The following HS6ST3 variants were observed in gnomAD, a reference collection of about 807,000 sequenced individuals.
The protein encoded by HS6ST3 is heparan-sulfate 6-O-sulfotransferase 3.
In HS6ST3, 12 loss-of-function variants were observed where a neutral mutation model predicts 36.7. That is an observed-to-expected ratio of 0.33 (90% CI 0.21 to 0.53). HS6ST3 has a LOEUF of 0.53. Ranked by LOEUF, HS6ST3 falls within the 20% of genes least tolerant of loss-of-function variation. The pLI is 0.95. For synonymous variants in HS6ST3, 240 were observed against 257.5 expected (o/e 0.93, Z 0.65); for missense variants, 584 against 640.9 (o/e 0.91, Z 0.96).
intron 1 of HS6ST3, among the ~76,000 whole-genome samples, chr13:96,482,278 G>T (rs1447556721): frequency 6.6e-6 from 1 of 152,080 alleles, no homozygotes; most frequent in Non-Finnish European, 1.5e-5. Context: ...CATTATTTAG[G>T]TCTGTCAATC....
At chr13:96,433,549 C>A (rs2055626721) in intron 1 of HS6ST3, among the ~76,000 whole-genome samples, 1 of 152,220 alleles carries the variant, frequency 6.6e-6, no homozygotes, top group Non-Finnish European at 1.5e-5. Flanking sequence ...TGCTCTTTTA[C>A]CTGTGACTGT....
chr13:96,695,960 G>A (rs654343), intron 1 of HS6ST3, among the ~76,000 whole-genome samples: 2,262 of 152,146 alleles, frequency 0.015, 55 homozygotes, highest in African/African-American at 0.051. Context: ...GTAATAACTT[G>A]TTAAAATTTA....
intron 1 of HS6ST3, among the ~76,000 whole-genome samples, chr13:96,387,701 C>A (rs185220383): frequency 6.6e-6 from 1 of 152,138 alleles, no homozygotes. Context: ...CCAATTACCC[C>A]AAGGCTGCAA....
At chr13:96,820,388 T>A (rs770534161) in intron 1 of HS6ST3, among the ~76,000 whole-genome samples, 2 of 152,130 alleles carry the variant, frequency 1.3e-5, no homozygotes, top group Non-Finnish European at 2.9e-5. Context: ...AACGCTGAAG[T>A]GCGGAGTGTG....
intron 1 of HS6ST3, among the ~76,000 whole-genome samples, chr13:96,829,398 G>A (rs141102549): frequency 1.2e-3 from 182 of 151,832 alleles, no homozygotes; most frequent in African/African-American, 4.1e-3. Context: ...TGTATCATGG[G>A]TGTTTGTTGT....
At chr13:96,817,930 GA>G (rs1878456576) in intron 1 of HS6ST3, among the ~76,000 whole-genome samples, 1 of 152,142 alleles carries the variant, frequency 6.6e-6, no homozygotes, top group Admixed American at 6.5e-5. Context: ...TTGCACAAAT[GA>G]AAAAGCCACC....
At position 96,454,874 on chromosome 13, in the gene HS6ST3, T is replaced by TA. The variant is rs5805970; in HGVS notation, c.707+363318dup. 2.8e-3 allele frequency among the ~76,000 whole-genome samples: 400 copies of TA among 144,286 alleles called. 14 individuals are homozygous for TA. The highest frequency in any genetic ancestry group is 5.6e-3 in the African/African-American group (218 of 38,702). 94.7% of individuals were successfully genotyped at this position (144,286 alleles called of 152,430 possible). On this transcript the variant is annotated intron_variant, in intron 1 of 1. Transcript: ENST00000376705. ...ACCAGGGAATGATATTATTGAACTCTAAAAAAAAAAAAACATACGCCTTTA... is the reference window on the plus strand; with the variant it reads ...ACCAGGGAATGATATTATTGAACTCTAAAAAAAAAAAAAACATACGCCTTTA...
In HS6ST3 at chr13:96,239,431, C is replaced by G. The variant is rs549921319; in HGVS notation, c.707+147862C>G. 3.3e-5 allele frequency among the ~76,000 whole-genome samples: 5 copies of G among 152,256 alleles called. No homozygotes were observed. The South Asian group carries it at 1.0e-3, about 32-fold the overall frequency. ...GCAGTTGCCTTATCACATTGCACTA[C>G]TTTATATGAAAGATGCTATCCATAA... On this transcript the variant is annotated intron_variant, in intron 1 of 1. Coordinates refer to ENST00000376705, the MANE Select transcript of HS6ST3 (RefSeq NM_153456.4).
At chr13:96,128,438 C>A (rs931120885) in intron 1 of HS6ST3, among the ~76,000 whole-genome samples, 1 of 152,144 alleles carries the variant, frequency 6.6e-6, no homozygotes, top group African/African-American at 2.4e-5. Context: ...AAGTGCATTC[C>A]AAGATAACTA....
intron 1 of HS6ST3, among the ~76,000 whole-genome samples, chr13:96,541,527 A>G (rs1173680938): frequency 6.6e-6 from 1 of 152,190 alleles, no homozygotes; most frequent in Non-Finnish European, 1.5e-5. Context: ...TTAACACATA[A>G]GGAGACCTGA....
intron 1 of HS6ST3, among the ~76,000 whole-genome samples, chr13:96,598,740 T>C (rs753086377): frequency 1.3e-5 from 2 of 152,186 alleles, no homozygotes; most frequent in Admixed American, 6.5e-5. Context: ...GTGGGCATCC[T>C]TGTCTTGCTC....
chr13:96,355,675 G>A (rs2055206832), intron 1 of HS6ST3, among the ~76,000 whole-genome samples: 1 of 152,136 alleles, frequency 6.6e-6, no homozygotes. Flanking sequence ...TTTTGCTGGT[G>A]GAGGGTCTTG....
At chr13:96,311,280 C>A (rs181579365) in intron 1 of HS6ST3, among the ~76,000 whole-genome samples, 10 of 152,244 alleles carry the variant, frequency 6.6e-5, no homozygotes, top group East Asian at 3.9e-4. Flanking sequence ...ATGTTGCTAT[C>A]CTACTTGTTC....
At chr13:96,644,863 T>A (rs2056583033) in intron 1 of HS6ST3, among the ~76,000 whole-genome samples, 1 of 152,004 alleles carries the variant, frequency 6.6e-6, no homozygotes, top group Admixed American at 6.6e-5. Context: ...CCTCTATGGA[T>A]CTTTCTGCAG....
At chr13:96,742,871 A>G (rs1332261932) in intron 1 of HS6ST3, among the ~76,000 whole-genome samples, 1 of 152,094 alleles carries the variant, frequency 6.6e-6, no homozygotes, top group African/African-American at 2.4e-5. Context: ...TGTGAATATC[A>G]TGATGCTACA....
At chr13:96,701,563 G>C (rs892645495) in intron 1 of HS6ST3, among the ~76,000 whole-genome samples, 3 of 152,102 alleles carry the variant, frequency 2.0e-5, no homozygotes, top group Non-Finnish European at 4.4e-5. Flanking sequence ...TTAATACTTA[G>C]AGCACTTTCC....
At chr13:96,506,699 A>G (rs530217503) in intron 1 of HS6ST3, among the ~76,000 whole-genome samples, 2 of 152,262 alleles carry the variant, frequency 1.3e-5, no homozygotes, top group South Asian at 4.1e-4. Context: ...TAAGGTACGT[A>G]CAAATATCAT....
chr13:96,439,910 C>T (rs1594780780), intron 1 of HS6ST3, among the ~76,000 whole-genome samples: 2 of 152,190 alleles, frequency 1.3e-5, no homozygotes, highest in East Asian at 3.9e-4. Context: ...GGTCAATTTT[C>T]TCTTTTGCTT....
intron 1 of HS6ST3, among the ~76,000 whole-genome samples, chr13:96,562,826 A>AC (rs981890568): frequency 1.9e-4 from 29 of 152,056 alleles, no homozygotes; most frequent in African/African-American, 6.5e-4. Context: ...CCTCCATGGA[A>AC]CAGTCAGGGA....
Sources: gnomAD v4.1 joint callset for allele counts (sites outside exome capture counted in the v4.1 genomes callset) on GRCh38, gnomAD v4.1.1 for gene constraint, MANE v1.5 for transcripts, NCBI Gene and HGNC (gene_info 2026-07-23, HGNC 2026-07-21) for gene names.